The following ERC2 variants were observed in gnomAD, a reference collection of about 807,000 sequenced individuals.
ERC2 encodes the protein ERC protein 2.
Under a neutral mutation model 114.8 loss-of-function variants are expected in ERC2, and 42 were observed. The ratio of observed to expected loss-of-function variants is 0.37; its 90% CI spans 0.29 to 0.47. The LOEUF (loss-of-function observed/expected upper bound fraction) is 0.47, where lower values mean the gene tolerates loss of function less well. Ranked by LOEUF, ERC2 falls within the 20% of genes least tolerant of loss-of-function variation. The probability of loss-of-function intolerance (pLI) is 0.99; values close to 1 mark genes in which losing one functional copy is unlikely to be tolerated. For missense variants in ERC2, 939 were observed against 1,150.7 expected (o/e 0.82, Z 2.66); for synonymous variants, 454 against 425.5 (o/e 1.07, Z -0.82).
rs563090897 is a variant in ERC2, at chr3:56,246,521, C to A, written c.1074+49498G>T. Among the ~76,000 whole-genome samples the A allele has an allele frequency of 1.2e-3, 178 of 152,166 alleles. 1 individual carries two copies. The highest frequency in any genetic ancestry group is 3.9e-3 in the African/African-American group (162 of 41,478). On this transcript the variant is annotated intron_variant, in intron 3 of 17. Coordinates refer to ENST00000288221, the MANE Select transcript of ERC2 (RefSeq NM_015576.3). ...ACACATATTGAGGTTTACAGTTAGC[C>A]ATCCACTATTCCAATCATGTTTCCA...
At chr3:55,590,898 A>C (rs796756198) in intron 17 of ERC2, among the ~76,000 whole-genome samples, 1 of 152,036 alleles carries the variant, frequency 6.6e-6, no homozygotes, top group South Asian at 2.1e-4. Flanking sequence ...GTGCTATCTC[A>C]GCTCACTGCT....
chr3:55,690,489 C>T (rs557092167), intron 16 of ERC2, among the ~76,000 whole-genome samples: 2 of 152,294 alleles, frequency 1.3e-5, no homozygotes, highest in African/African-American at 4.8e-5. Flanking sequence ...AATCAACCCT[C>T]CAATGTTGCC....
chr3:55,569,362 A>C (rs2056569986), intron 17 of ERC2, among the ~76,000 whole-genome samples: 2 of 152,216 alleles, frequency 1.3e-5, no homozygotes, highest in South Asian at 4.1e-4. Context: ...TGGCATGTTT[A>C]AGTTCAGTGG....
chr3:55,622,157 C>A (rs1381390760), intron 17 of ERC2, among the ~76,000 whole-genome samples: 1 of 152,222 alleles, frequency 6.6e-6, no homozygotes, highest in African/African-American at 2.4e-5. Context: ...GGCCACACTT[C>A]CCTTGGTAAA....
rs374264170 is a variant in ERC2, at chr3:56,078,802, G to A, written c.1641+2015C>T. Among the ~76,000 whole-genome samples the A allele has an allele frequency of 8.8e-4, 132 of 150,672 alleles. 1 individual carries two copies. The highest frequency in any genetic ancestry group is 3.2e-3 in the African/African-American group (130 of 41,196). Reference sequence around the variant, plus strand: ...TACGGGGGAAAAGTCTGCCTTTTTGGAATTTACATTCTAGTAATATGAATG... The same window carrying A: ...TACGGGGGAAAAGTCTGCCTTTTTGAAATTTACATTCTAGTAATATGAATG... On this transcript the variant is annotated intron_variant, in intron 7 of 17. Transcript: ENST00000288221.
At chr3:55,836,280 C>T (rs1462688551) in intron 14 of ERC2, among the ~76,000 whole-genome samples, 2 of 152,028 alleles carry the variant, frequency 1.3e-5, no homozygotes, top group Admixed American at 6.6e-5. Flanking sequence ...AACCAAAAAA[C>T]AGCCCGCATT....
At position 55,992,012 on chromosome 3, in the gene ERC2, C is replaced by T. The variant is rs201149983; in HGVS notation, c.2255+45G>A. ...AACCGGAGATGGGCAACCACGCAGTCCATGTTCTCTCACTGCCAACAATTT... is the reference window on the plus strand; with the variant it reads ...AACCGGAGATGGGCAACCACGCAGTTCATGTTCTCTCACTGCCAACAATTT... On this transcript the variant is annotated intron_variant, in intron 11 of 17. Coordinates refer to ENST00000288221, the MANE Select transcript of ERC2 (RefSeq NM_015576.3). 20 of 1,567,720 alleles carry T rather than the reference C, an allele frequency of 1.3e-5. No homozygotes were observed. The East Asian group carries it at 4.0e-4, about 32-fold the overall frequency.
intron 17 of ERC2, among the ~76,000 whole-genome samples, chr3:55,638,161 A>AT (rs1232936986): frequency 6.6e-6 from 1 of 152,150 alleles, no homozygotes; most frequent in African/African-American, 2.4e-5. Context: ...CCCCCTGACC[A>AT]TGTTCATTCC....
intron 14 of ERC2, among the ~76,000 whole-genome samples, chr3:55,830,175 A>G (rs2149180990): frequency 6.6e-6 from 1 of 152,350 alleles, no homozygotes; most frequent in South Asian, 2.1e-4. Context: ...ACAGAAAACA[A>G]TGGAACAATT....
intron 3 of ERC2, 128 bp downstream of exon 3, chr3:56,295,891 G>C: frequency 1.5e-5 from 15 of 1,000,934 alleles, no homozygotes; most frequent in Non-Finnish European, 2.0e-5. Flanking sequence ...CCGGCAGGAA[G>C]GTCATAAAGC....
chr3:56,448,003 A>G (rs2062657806), intron 1 of ERC2, among the ~76,000 whole-genome samples: 1 of 152,118 alleles, frequency 6.6e-6, no homozygotes, highest in Non-Finnish European at 1.5e-5. Flanking sequence ...TCGGCCTCCC[A>G]AAGTGCTAGG....
chr3:56,222,488 C>A (rs552549948), intron 3 of ERC2, among the ~76,000 whole-genome samples: 8 of 152,310 alleles, frequency 5.3e-5, no homozygotes, highest in African/African-American at 1.9e-4. Flanking sequence ...TTCTCAACTA[C>A]AACACCATTT....
At chr3:55,583,394 CCTTCTTTCCT>C (rs2057373359) in intron 17 of ERC2, among the ~76,000 whole-genome samples, 5 of 130,782 alleles carry the variant, frequency 3.8e-5, no homozygotes, top group African/African-American at 1.2e-4. Context: ...TTCTTTCCTT[CCTTCTTTCCT>C]TCCTTCCTTC....
intron 1 of ERC2, among the ~76,000 whole-genome samples, chr3:56,451,321 T>C (rs1216719337): frequency 1.3e-5 from 2 of 151,862 alleles, no homozygotes; most frequent in Non-Finnish European, 2.9e-5. Flanking sequence ...GAAAAGAATA[T>C]AGGCATAATC....
rs115200716 is a variant in ERC2 at position 55,929,002 on chromosome 3, G to T, written c.2403+21423C>A. Among the ~76,000 whole-genome samples the T allele has an allele frequency of 6.2e-3, 938 of 151,938 alleles. 15 individuals are homozygous for T. Among genetic ancestry groups the T allele is most frequent in the African/African-American group, 0.022 (900 of 41,460 alleles). On this transcript the variant is annotated intron_variant, in intron 13 of 17. Transcript: ENST00000288221. ...TTTATGCCAGAACCATACTGTTTTG[G>T]TTACTATCCACCATTGCTTTGTTCC...
chr3:55,635,510 C>G (rs2148639428), intron 17 of ERC2, among the ~76,000 whole-genome samples: 1 of 152,120 alleles, frequency 6.6e-6, no homozygotes. Context: ...TGTACCTCAG[C>G]CTCCCAAGTA....
intron 7 of ERC2, among the ~76,000 whole-genome samples, chr3:56,041,624 T>C (rs2075197705): frequency 6.6e-6 from 1 of 152,144 alleles, no homozygotes; most frequent in Non-Finnish European, 1.5e-5. Flanking sequence ...TCCTTCTTCC[T>C]TTCCCTCTTT....
chr3:56,033,038 A>AAC lies in ERC2; in HGVS notation c.1642-14008_1642-14007insGT, dbSNP rs1560058375. On this transcript the variant is annotated intron_variant, in intron 7 of 17. Transcript: ENST00000288221. ...AAGAAAGAAAAAAGAAACAGAAAGA[A>AAC]AGAAAGAAAGAAAGAAAGAAAGAAA... 4.0e-3 allele frequency among the ~76,000 whole-genome samples: 298 copies of AAC among 74,266 alleles called. 1 individual carries two copies. Among genetic ancestry groups the AAC allele is most frequent in the East Asian group, 0.011 (30 of 2,814 alleles). The allele number at this position is 74,266 out of a possible 152,430, so 48.7% of individuals were successfully genotyped here.
chr3:56,255,354 T>G (rs2052446395), intron 3 of ERC2, among the ~76,000 whole-genome samples: 1 of 152,232 alleles, frequency 6.6e-6, no homozygotes, highest in Admixed American at 6.5e-5. Context: ...ATCCCCATCC[T>G]GGGCTTCCCT....
Sources: allele counts gnomAD v4.1 joint callset (sites outside exome capture counted in the v4.1 genomes callset), GRCh38; gene constraint gnomAD v4.1.1; transcripts MANE v1.5; gene names NCBI Gene and HGNC (gene_info 2026-07-23, HGNC 2026-07-21).